The following SCAP variants were observed in gnomAD, a reference collection of about 807,000 sequenced individuals.
SCAP encodes SREBF chaperone, also known as sterol regulatory element-binding protein cleavage-activating protein.
SCAP carries 65 observed loss-of-function variants against 123.6 expected under a neutral mutation model. That is an observed-to-expected ratio of 0.53 (90% CI 0.43 to 0.65). The LOEUF is 0.65. Ranked by LOEUF, SCAP falls within the 30% of genes least tolerant of loss-of-function variation. SCAP has a pLI of 0.00. For synonymous variants in SCAP, 740 were observed against 726.3 expected (o/e 1.02, Z -0.30); for missense variants, 1,398 against 1,712.5 (o/e 0.82, Z 3.24).
chr3:47,472,055 A>C (rs534868683), intron 1 of SCAP, among the ~76,000 whole-genome samples: 149 of 149,720 alleles, frequency 1.0e-3, no homozygotes, highest in African/African-American at 3.5e-3. Flanking sequence ...CAGGAGACCA[A>C]GATTGCAGTA....
Position 47,427,170 on chromosome 3 carries a change from G to C in SCAP, c.724C>G (p.His242Asp). 6.2e-7 allele frequency: 1 copy of C among 1,613,148 alleles called. No homozygotes were observed. The highest frequency in any genetic ancestry group is 1.7e-4 in the Middle Eastern group (1 of 6,060). ...TGTCAATCTTACTTGGCATGGTAGT[G>C]CTGGAAGACCAGGGTGATGGTGTAG... ...VSYTITLVFQ[H>D]YHAKFLGSLR... The change falls in exon 6 of 23, where the codon CAC becomes GAC. Residue 242 changes from histidine to aspartate, a missense_variant. Physicochemically the swap from His to Asp is moderately conservative, Grantham distance 81. Transcript: ENST00000265565.
At chr3:47,431,228 G>A (rs914219668) in intron 3 of SCAP, among the ~76,000 whole-genome samples, 34 of 2,146 alleles carry the variant, frequency 0.016, no homozygotes, top group Non-Finnish European at 0.14. Flanking sequence ...ATGTGGGCAG[G>A]GCCCACACTC....
chr3:47,417,044 C>G, intron 18 of SCAP, 78 bp downstream of exon 18: 2 of 1,305,686 alleles, frequency 1.5e-6, no homozygotes, highest in Non-Finnish European at 2.2e-6. Flanking sequence ...TGAAGAGAAC[C>G]AGAACTCAAG....
chr3:47,413,850 G>C lies in SCAP; in HGVS notation c.*4C>G. The C allele has an allele frequency of 6.2e-7, 1 of 1,611,324 alleles. No homozygotes were observed. Among genetic ancestry groups the C allele is most frequent in the East Asian group, 2.2e-5 (1 of 44,856 alleles). On this transcript the variant is annotated 3_prime_UTR_variant, in exon 23 of 23. Transcript: ENST00000265565. ...CCTCCTGCCTGGGCAAGGAGGCCCT[G>C]CGCTCAGTCCAGCTTCTCCAGCACA...
chr3:47,427,397 T>G, intron 5 of SCAP, 50 bp downstream of exon 5: 1 of 1,590,976 alleles, frequency 6.3e-7, no homozygotes, highest in Non-Finnish European at 8.6e-7. Flanking sequence ...AAAAAGACGG[T>G]GACCAATGGG....
intron 1 of SCAP, among the ~76,000 whole-genome samples, chr3:47,471,067 T>C (rs1479658692): frequency 6.6e-6 from 1 of 152,154 alleles, no homozygotes; most frequent in Non-Finnish European, 1.5e-5. Flanking sequence ...ACACAAGGGC[T>C]TATTGCTCTC....
intron 1 of SCAP, among the ~76,000 whole-genome samples, chr3:47,467,605 G>A (rs12491029): frequency 0.96 from 145,559 of 151,946 alleles, 70,046 homozygotes; most frequent in East Asian, 1. Context: ...CCCGTCTCAA[G>A]AAAAAGAAAA....
Position 47,426,160 on chromosome 3 carries a change from G to T in SCAP, c.747C>A (p.Gly249=), listed in dbSNP as rs1476904250. 6.2e-7 allele frequency: 1 copy of T among 1,612,960 alleles called. No individual in the cohort carries two copies. The highest frequency in any genetic ancestry group is 8.5e-7 in the Non-Finnish European group (1 of 1,179,642). The change falls in exon 7 of 23, where the codon GGC becomes GGA. Residue 249 remains glycine, a synonymous_variant. Transcript: ENST00000265565. ...VFQHYHAKFL[G]SLRARLMLLH... is the part of the protein sequence containing the mutation. ...GAAGCATCAGGCGGGCACGCAGGCT[G>T]CCCAGGAACCTGGTCAAGGAGCAGG...
chr3:47,443,143 C>T, intron 1 of SCAP, 52 bp from the exon 2 acceptor site: 1 of 1,383,590 alleles, frequency 7.2e-7, no homozygotes, highest in Non-Finnish European at 9.6e-7. Context: ...GCTCTGCACA[C>T]TAGGGCTGCT....
rs67862138 is a variant in SCAP, at chr3:47,443,276, ACT to A, written c.-98-187_-98-186del. The A allele has an allele frequency of 2.9e-4, 21 of 72,212 alleles. 1 individual carries two copies. Among genetic ancestry groups the A allele is most frequent in the African/African-American group, 1.4e-3 (19 of 13,904 alleles). 4.5% of individuals were successfully genotyped at this position (72,212 alleles called of 1,614,324 possible). A position where few individuals can be genotyped will look rare whatever the true frequency, so the allele number is the denominator to read the frequency against. On this transcript the variant is annotated intron_variant, in intron 1 of 22. Coordinates refer to ENST00000265565, the MANE Select transcript of SCAP (RefSeq NM_012235.4). ...CACACACACACACACACACACACAC[ACT>A]CTCTCTCTCTCTCTCTCTCTCTCTC...
intron 1 of SCAP, among the ~76,000 whole-genome samples, chr3:47,460,555 T>C (rs1221067921): frequency 6.6e-6 from 1 of 152,156 alleles, no homozygotes; most frequent in African/African-American, 2.4e-5. Context: ...TGGTTTTTTG[T>C]TGTTGTTGTC....
chr3:47,440,340 T>C (rs945910037), intron 2 of SCAP, among the ~76,000 whole-genome samples: 1 of 152,040 alleles, frequency 6.6e-6, no homozygotes, highest in African/African-American at 2.4e-5. Flanking sequence ...TTGAAGACAA[T>C]GGTGAGGCTT....
chr3:47,441,418 T>A (rs1706801394), intron 2 of SCAP, among the ~76,000 whole-genome samples: 1 of 151,960 alleles, frequency 6.6e-6, no homozygotes, highest in African/African-American at 2.4e-5. Flanking sequence ...AGGTGAGCTG[T>A]GATTGTGCCA....
chr3:47,456,740 G>A (rs895528690), intron 1 of SCAP, among the ~76,000 whole-genome samples: 8 of 151,882 alleles, frequency 5.3e-5, no homozygotes, highest in East Asian at 3.9e-4. Context: ...GTGTGAGATC[G>A]TGCCACTGTA....
chr3:47,422,848 A>C (rs905374860), intron 9 of SCAP: 2 of 247,018 alleles, frequency 8.1e-6, no homozygotes, highest in Non-Finnish European at 1.5e-5. Flanking sequence ...GCCAAGTGCC[A>C]CCCACAACAA....
rs776946620 is a variant in SCAP, at chr3:47,418,661, A to G, written c.2123T>C (p.Leu708Pro). ...GGVQAHGDVT[L>P]YKVAALGLAT... ...CCCCACCCAGCAGCCTTACTTGTAC[A>G]GCGTGACGTCTCCATGGGCCTGCAC... The change falls in exon 14 of 23, where the codon CTG becomes CCG. Residue 708 changes from leucine (L) to proline (P), a missense_variant. Transcript: ENST00000265565. 1.3e-6 allele frequency: 2 copies of G among 1,575,140 alleles called. No individual in the cohort carries two copies. The highest frequency in any genetic ancestry group is 1.1e-5 in the South Asian group (1 of 89,872).
intron 1 of SCAP, 130 bp downstream of exon 1, chr3:47,475,669 G>A (rs1038248096): frequency 3.3e-5 from 5 of 152,530 alleles, no homozygotes; most frequent in African/African-American, 9.7e-5. Context: ...CGGCCCGCAC[G>A]GCTGCTGGAC....
chr3:47,475,631 C>T (rs1708240288), intron 1 of SCAP, 168 bp downstream of exon 1: 1 of 152,318 alleles, frequency 6.6e-6, no homozygotes, highest in Admixed American at 6.5e-5. Context: ...GCGGCCCTGC[C>T]TCCTTGCCGG....
rs759486756 is a variant in SCAP at position 47,449,387 on chromosome 3, C to A, written c.-98-6296G>T. Among the ~76,000 whole-genome samples the A allele has an allele frequency of 8.1e-5, 10 of 123,928 alleles. 2 individuals carry two copies. The highest frequency in any genetic ancestry group is 1.8e-4 in the Non-Finnish European group (10 of 56,256). 81.3% of individuals were successfully genotyped at this position (123,928 alleles called of 152,430 possible). On this transcript the variant is annotated intron_variant, in intron 1 of 22. Coordinates refer to ENST00000265565, the MANE Select transcript of SCAP (RefSeq NM_012235.4). ...TGAGTACCTCCCACAACTGTGACTA[C>A]CTCCAAGGAAAAGCAATGAGAGAAA...
Sources: gnomAD v4.1 joint callset for allele counts (sites outside exome capture counted in the v4.1 genomes callset) on GRCh38, gnomAD v4.1.1 for gene constraint, MANE v1.5 for transcripts, NCBI Gene and HGNC (gene_info 2026-07-23, HGNC 2026-07-21) for gene names.